The following TMEM177 variants were observed in gnomAD, a reference collection of about 807,000 sequenced individuals.
TMEM177 encodes the protein transmembrane protein 177.
In TMEM177, 4 loss-of-function variants were observed where a neutral mutation model predicts 14.2. The ratio of observed to expected loss-of-function variants is 0.28; its 90% CI spans 0.14 to 0.64. TMEM177 has a LOEUF of 0.64. TMEM177 is among the 30% of genes least tolerant of loss of function. TMEM177 has a pLI of 0.82. For synonymous variants in TMEM177, 179 were observed against 174.5 expected (o/e 1.03, Z -0.20); for missense variants, 344 against 405.2 (o/e 0.85, Z 1.30).
At chr2:119,713,706 C>A in the TMEM177 span, among the ~76,000 whole-genome samples, 1 of 152,104 alleles carries the variant, frequency 6.6e-6, no homozygotes, top group Non-Finnish European at 1.5e-5. Flanking sequence ...GGATGGCTGG[C>A]ACTTGTAGTC....
At chr2:119,707,278 A>G in the TMEM177 span, among the ~76,000 whole-genome samples, 1 of 152,180 alleles carries the variant, frequency 6.6e-6, no homozygotes, top group African/African-American at 2.4e-5. Flanking sequence ...CGTGATCATC[A>G]GTAACCCCAA....
At chr2:119,690,242 C>G (rs1289029048), downstream of TMEM177, among the ~76,000 whole-genome samples, 1 of 152,148 alleles carries the variant, frequency 6.6e-6, no homozygotes, top group Non-Finnish European at 1.5e-5. Context: ...GTATGTGGCA[C>G]TTTCCCCTTC....
Position 119,681,793 on chromosome 2 carries a change from G to A in TMEM177, c.*4G>A. 6.2e-7 allele frequency: 1 copy of A among 1,608,780 alleles called. No individual in the cohort carries two copies. Among genetic ancestry groups the A allele is most frequent in the Non-Finnish European group, 8.5e-7 (1 of 1,176,732 alleles). ...GCTCAATCCGGGCCGCTCCTGATGG[G>A]CTCATCACAAGGACACTTCCAGCTT... On this transcript the variant is annotated 3_prime_UTR_variant, in exon 2 of 2. Transcript: ENST00000272521.
At chr2:119,693,118 G>A in the TMEM177 span, among the ~76,000 whole-genome samples, 3 of 152,160 alleles carry the variant, frequency 2.0e-5, no homozygotes, top group East Asian at 1.9e-4. Flanking sequence ...CGTGAAGCCT[G>A]TGCTGTTTCC....
At chr2:119,716,557 G>C in the TMEM177 span, among the ~76,000 whole-genome samples, 9 of 152,164 alleles carry the variant, frequency 5.9e-5, no homozygotes, top group African/African-American at 2.2e-4. Flanking sequence ...GGGAGAAATG[G>C]GTGTAAGGGA....
the TMEM177 span, among the ~76,000 whole-genome samples, chr2:119,702,316 A>G: frequency 6.6e-6 from 1 of 152,216 alleles, no homozygotes; most frequent in African/African-American, 2.4e-5. Flanking sequence ...AGTTTCACCA[A>G]TGTAACAAGT....
At chr2:119,713,067 G>A in the TMEM177 span, among the ~76,000 whole-genome samples, 3 of 137,428 alleles carry the variant, frequency 2.2e-5, no homozygotes, top group South Asian at 2.5e-4. Flanking sequence ...TTATGATAAT[G>A]GTTTTCTTTT....
the TMEM177 span, among the ~76,000 whole-genome samples, chr2:119,722,681 T>C: frequency 6.6e-6 from 1 of 152,250 alleles, no homozygotes; most frequent in African/African-American, 2.4e-5. Context: ...ACTGCATAAC[T>C]AAATGCATAG....
chr2:119,690,253 G>A (rs957907161), downstream of TMEM177, among the ~76,000 whole-genome samples: 1 of 151,982 alleles, frequency 6.6e-6, no homozygotes, highest in African/African-American at 2.4e-5. Flanking sequence ...TTTCCCCTTC[G>A]CTCTCTCCTT....
chr2:119,707,834 T>G, the TMEM177 span, among the ~76,000 whole-genome samples: 1 of 152,218 alleles, frequency 6.6e-6, no homozygotes, highest in African/African-American at 2.4e-5. Flanking sequence ...TCCATTTTGG[T>G]TGGAGATGGG....
At chr2:119,690,995 T>C (rs1016913664), downstream of TMEM177, among the ~76,000 whole-genome samples, 1 of 152,228 alleles carries the variant, frequency 6.6e-6, no homozygotes. Flanking sequence ...GCACAGCAGA[T>C]TGGGAAGGCC....
At position 119,681,131 on chromosome 2, in the gene TMEM177, C is replaced by T; in HGVS notation, c.278C>T (p.Ala93Val). 1 of 1,614,268 alleles carries T rather than the reference C, an allele frequency of 6.2e-7. No homozygotes were observed. Among genetic ancestry groups the T allele is most frequent in the Non-Finnish European group, 8.5e-7 (1 of 1,180,046 alleles). ...FTTFTFQPVS[A>V]GFPRLPAGAV... ...ACCTTCACCTTCCAACCTGTGAGTG[C>T]AGGCTTCCCAAGACTCCCTGCTGGG... Residue 93 changes from alanine (A) to valine (V), a missense_variant, in exon 2 of 2, where the codon GCA becomes GTA. Ala to Val is a moderately conservative substitution (Grantham distance 64). Coordinates refer to ENST00000272521, the MANE Select transcript of TMEM177 (RefSeq NM_030577.3).
the TMEM177 span, among the ~76,000 whole-genome samples, chr2:119,692,093 A>G: frequency 1.3e-5 from 2 of 152,094 alleles, no homozygotes; most frequent in South Asian, 4.2e-4. Context: ...AAGCCTGGAG[A>G]CCCTTCACTT....
In TMEM177 at chr2:119,681,191, A is replaced by G. The variant is rs116455724; in HGVS notation, c.338A>G (p.Asp113Gly). The G allele has an allele frequency of 5.6e-6, 9 of 1,614,136 alleles. No homozygotes were observed. The African/African-American group carries it at 1.1e-4, about 19-fold the overall frequency. ...GGCATCCCTGCCAGTTTCTTGGGAG[A>G]CCTAGTGATCAACACTAACCATCCC... is the stretch of plus-strand genomic sequence containing the variant. ...VVGIPASFLG[D>G]LVINTNHPVV... Residue 113 changes from aspartate to glycine, a missense_variant, in exon 2 of 2, where the codon GAC (aspartate) becomes GGC (glycine). Transcript: ENST00000272521.
chr2:119,684,226 C>T (rs542692762), downstream of TMEM177, among the ~76,000 whole-genome samples: 11 of 152,294 alleles, frequency 7.2e-5, no homozygotes, highest in African/African-American at 2.4e-4. Flanking sequence ...CTTTCGTGTT[C>T]GCTGTGTCCT....
chr2:119,683,273 T>C (rs1441951070), downstream of TMEM177, among the ~76,000 whole-genome samples: 1 of 152,136 alleles, frequency 6.6e-6, no homozygotes, highest in East Asian at 1.9e-4. Context: ...AGCACATCCT[T>C]GCTCATTCCC....
At chr2:119,715,129 T>G in the TMEM177 span, among the ~76,000 whole-genome samples, 1 of 152,116 alleles carries the variant, frequency 6.6e-6, no homozygotes, top group Non-Finnish European at 1.5e-5. Context: ...ACACCTGTAA[T>G]CCCAACACTT....
the TMEM177 span, among the ~76,000 whole-genome samples, chr2:119,704,032 GA>G: frequency 6.6e-6 from 1 of 152,102 alleles, no homozygotes; most frequent in African/African-American, 2.4e-5. Flanking sequence ...GAAAAATACA[GA>G]ACTTTGTATT....
the TMEM177 span, among the ~76,000 whole-genome samples, chr2:119,706,241 G>C: frequency 6.6e-6 from 1 of 152,038 alleles, no homozygotes; most frequent in Non-Finnish European, 1.5e-5. Context: ...GGCCAGGCTG[G>C]TCTTGAACTC....
Sources: gnomAD v4.1 joint callset for allele counts (sites outside exome capture counted in the v4.1 genomes callset) on GRCh38, gnomAD v4.1.1 for gene constraint, MANE v1.5 for transcripts, NCBI Gene and HGNC (gene_info 2026-07-23, HGNC 2026-07-21) for gene names.